The following KIAA0825 variants were observed in gnomAD, a reference collection of about 807,000 sequenced individuals.
KIAA0825 encodes uncharacterized protein KIAA0825.
A neutral mutation model predicts 147.6 loss-of-function variants in KIAA0825; 119 were observed. That is an observed-to-expected ratio of 0.81 (90% CI 0.69 to 0.94). KIAA0825 has a LOEUF of 0.94. Ranked by LOEUF, KIAA0825 falls within the 40% of genes least tolerant of loss-of-function variation. The pLI is 0.00. For synonymous variants in KIAA0825, 470 were observed against 518.1 expected (o/e 0.91, Z 1.26); for missense variants, 1,381 against 1,472.7 (o/e 0.94, Z 1.02).
At chr5:94,275,109 T>C (rs1298001713) in intron 20 of KIAA0825, among the ~76,000 whole-genome samples, 1 of 152,190 alleles carries the variant, frequency 6.6e-6, no homozygotes, top group Non-Finnish European at 1.5e-5. Flanking sequence ...CAATACAGTA[T>C]ATTCAATCTA....
chr5:94,164,302 A>G (rs924306796), intron 20 of KIAA0825, among the ~76,000 whole-genome samples: 2 of 152,214 alleles, frequency 1.3e-5, no homozygotes, highest in South Asian at 2.1e-4. Context: ...ACTTCAAATT[A>G]TATTACAGAG....
rs999815336 is a variant in KIAA0825 at position 94,484,897 on chromosome 5, A to G, written c.1004T>C (p.Phe335Ser). 11 of 1,525,296 alleles carry G rather than the reference A, an allele frequency of 7.2e-6. No homozygotes were observed. Among genetic ancestry groups the G allele is most frequent in the Non-Finnish European group, 9.7e-6 (11 of 1,129,244 alleles). The allele number at this position is 1,525,296 out of a possible 1,614,324, so 94.5% of individuals were successfully genotyped here. A position where few individuals can be genotyped will look rare whatever the true frequency, so the allele number is the denominator to read the frequency against. ...TTCGACTTTGTCTAAAGGGAGAGAG[A>G]AGTTTCTTCCTTTCTGTGGGCATTC... Reference protein sequence around the residue: ...TTECPQKGRNFSLPLDKVEFL... With the variant: ...TTECPQKGRNSSLPLDKVEFL... The change falls in exon 6 of 21, where the codon TTC (phenylalanine) becomes TCC (serine). Residue 335 changes from phenylalanine (F) to serine (S), a missense_variant. Physicochemically the swap from Phe to Ser is radical, Grantham distance 155. Transcript: ENST00000682413.
chr5:94,517,760 G>A, intron 5 of KIAA0825, among the ~76,000 whole-genome samples: 1 of 150,048 alleles, frequency 6.7e-6, no homozygotes, highest in East Asian at 1.9e-4. Context: ...ATAGTTTGGA[G>A]AAGAAGAAAA....
chr5:94,245,411 G>A (rs1369488232), intron 20 of KIAA0825, among the ~76,000 whole-genome samples: 4 of 152,138 alleles, frequency 2.6e-5, no homozygotes, highest in African/African-American at 9.7e-5. Flanking sequence ...ACTGAAGCCT[G>A]CTTATAAGCA....
In KIAA0825 at chr5:94,331,535, A is replaced by G. The variant is rs565241426; in HGVS notation, c.3710+52833T>C. On this transcript the variant is annotated intron_variant, in intron 20 of 20. Transcript: ENST00000682413. ...ATTTCTATGTAATCTCTTCCTGGAA[A>G]TTAACGAAGAAACAATTTACTCTGC... Among the ~76,000 whole-genome samples the G allele has an allele frequency of 3.3e-5, 5 of 152,324 alleles. No homozygotes were observed. The East Asian group carries it at 5.8e-4, about 18-fold the overall frequency.
At chr5:94,392,710 G>C (rs1031608169) in intron 17 of KIAA0825, among the ~76,000 whole-genome samples, 4 of 152,118 alleles carry the variant, frequency 2.6e-5, no homozygotes, top group African/African-American at 9.7e-5. Flanking sequence ...AATTAGTTCT[G>C]CTAAGAGTCA....
intron 20 of KIAA0825, among the ~76,000 whole-genome samples, chr5:94,287,728 C>A (rs1777720463): frequency 6.6e-6 from 1 of 152,152 alleles, no homozygotes; most frequent in African/African-American, 2.4e-5. Context: ...GTCAGTCTCC[C>A]ATTCATAGAA....
intron 2 of KIAA0825, among the ~76,000 whole-genome samples, chr5:94,545,745 T>A (rs993567739): frequency 2.0e-5 from 3 of 152,170 alleles, no homozygotes; most frequent in Non-Finnish European, 4.4e-5. Context: ...CAGGTGAGAT[T>A]CTTAGATATG....
chr5:94,172,610 A>G (rs1768728081), intron 20 of KIAA0825, among the ~76,000 whole-genome samples: 1 of 152,226 alleles, frequency 6.6e-6, no homozygotes, highest in African/African-American at 2.4e-5. Context: ...GGCAATATAT[A>G]GAGAGCAAGC....
intron 3 of KIAA0825, among the ~76,000 whole-genome samples, chr5:94,530,130 G>A (rs1047918433): frequency 6.6e-6 from 1 of 151,944 alleles, no homozygotes; most frequent in Non-Finnish European, 1.5e-5. Context: ...AATTAGCCAG[G>A]TGTGCTGGCA....
chr5:94,436,823 T>C (rs1413377456), intron 14 of KIAA0825, among the ~76,000 whole-genome samples: 1 of 152,166 alleles, frequency 6.6e-6, no homozygotes, highest in African/African-American at 2.4e-5. Context: ...GTTCTTGTTG[T>C]AAAGGTCCTT....
At chr5:94,209,199 T>G (rs1772479015) in intron 20 of KIAA0825, among the ~76,000 whole-genome samples, 1 of 152,230 alleles carries the variant, frequency 6.6e-6, no homozygotes, top group Admixed American at 6.5e-5. Context: ...AATTTGTTTA[T>G]TGCATTAAAT....
At chr5:94,607,024 A>G (rs1216472503) in intron 1 of KIAA0825, among the ~76,000 whole-genome samples, 1 of 151,896 alleles carries the variant, frequency 6.6e-6, no homozygotes, top group Non-Finnish European at 1.5e-5. Context: ...TGATCCAAAC[A>G]CCTCCCAATA....
intron 17 of KIAA0825, 81 bp from the exon 18 acceptor site, chr5:94,391,775 AG>A: frequency 1.7e-6 from 2 of 1,173,886 alleles, no homozygotes; most frequent in South Asian, 1.7e-5. Flanking sequence ...GAGTGTGGAG[AG>A]TTGATGTAAA....
chr5:94,277,428 C>G (rs573839019), intron 20 of KIAA0825, among the ~76,000 whole-genome samples: 60 of 152,006 alleles, frequency 3.9e-4, no homozygotes, highest in African/African-American at 1.4e-3. Context: ...AACAAACAAC[C>G]CTATCAAAAA....
intron 20 of KIAA0825, among the ~76,000 whole-genome samples, chr5:94,218,386 T>G (rs141561658): frequency 1.2e-4 from 19 of 152,324 alleles, no homozygotes; most frequent in Non-Finnish European, 2.6e-4. Context: ...CTTGACTGAC[T>G]TCACAGGCTG....
intron 20 of KIAA0825, among the ~76,000 whole-genome samples, chr5:94,373,464 C>T (rs1370256425): frequency 1.3e-5 from 2 of 152,056 alleles, no homozygotes; most frequent in Middle Eastern, 3.2e-3. Flanking sequence ...AATTGACTCA[C>T]AGTTCAGCAT....
intron 20 of KIAA0825, among the ~76,000 whole-genome samples, chr5:94,204,058 T>G (rs1771938739): frequency 6.6e-6 from 1 of 152,196 alleles, no homozygotes; most frequent in Admixed American, 6.5e-5. Flanking sequence ...GAATAACTAA[T>G]TCAGCTTAAA....
chr5:94,274,177 T>C (rs1048640837), intron 20 of KIAA0825, among the ~76,000 whole-genome samples: 4 of 152,154 alleles, frequency 2.6e-5, no homozygotes, highest in South Asian at 2.1e-4. Flanking sequence ...ATAGTTAACA[T>C]TGGCATACAT....
Sources: allele counts gnomAD v4.1 joint callset (sites outside exome capture counted in the v4.1 genomes callset), GRCh38; gene constraint gnomAD v4.1.1; transcripts MANE v1.5; gene names NCBI Gene and HGNC (gene_info 2026-07-23, HGNC 2026-07-21).